ST6GALNAC3: variants seen among roughly 807,000 people sequenced by gnomAD.
ST6GALNAC3 encodes ST6 N-acetylgalactosaminide alpha-2,6-sialyltransferase 3.
In ST6GALNAC3, 25 loss-of-function variants were observed where a neutral mutation model predicts 32.7. The ratio of observed to expected loss-of-function variants is 0.76; its 90% confidence interval spans 0.56 to 1.07. ST6GALNAC3 has a LOEUF of 1.07. Ranked by LOEUF, ST6GALNAC3 falls within the 50% of genes least tolerant of loss-of-function variation. The pLI is 0.00. For missense variants in ST6GALNAC3, 355 were observed against 382.4 expected, an observed-to-expected ratio of 0.93 and a Z score of 0.60; for synonymous variants, 129 against 133.1, an observed-to-expected ratio of 0.97 and a Z score of 0.21.
At chr1:76,187,109 C>T (rs1198803242) in intron 1 of ST6GALNAC3, among the ~76,000 whole-genome samples, 1 of 152,122 alleles carries the variant, frequency 6.6e-6, no homozygotes, top group Non-Finnish European at 1.5e-5. Flanking sequence ...TAGGAAATTA[C>T]AGTTTTCCTT....
chr1:76,416,329 G>A (rs1481532792), intron 3 of ST6GALNAC3, among the ~76,000 whole-genome samples: 1 of 151,992 alleles, frequency 6.6e-6, no homozygotes, highest in African/African-American at 2.4e-5. Context: ...TGCTTTAACT[G>A]TAAAGCTATT....
chr1:76,515,610 G>A (rs1277784581), intron 3 of ST6GALNAC3, among the ~76,000 whole-genome samples: 2 of 151,988 alleles, frequency 1.3e-5, no homozygotes, highest in Non-Finnish European at 2.9e-5. Context: ...GGTATGATGT[G>A]TTTCCATTCT....
intron 1 of ST6GALNAC3, among the ~76,000 whole-genome samples, chr1:76,261,978 G>A (rs936656276): frequency 1.2e-4 from 18 of 152,106 alleles, no homozygotes; most frequent in African/African-American, 7.2e-5. Context: ...TGTTTTTCAC[G>A]CGGAAAGAAG....
At chr1:76,444,697 T>A (rs1002732363) in intron 3 of ST6GALNAC3, among the ~76,000 whole-genome samples, 2 of 152,176 alleles carry the variant, frequency 1.3e-5, no homozygotes, top group African/African-American at 4.8e-5. Context: ...CCATAGTTGC[T>A]TCTTCTCTGG....
At chr1:76,122,445 C>G (rs80282196) in intron 1 of ST6GALNAC3, among the ~76,000 whole-genome samples, 1 of 152,038 alleles carries the variant, frequency 6.6e-6, no homozygotes, top group Non-Finnish European at 1.5e-5. Flanking sequence ...AACAAGTGAA[C>G]AGCTCTCTCT....
intron 3 of ST6GALNAC3, among the ~76,000 whole-genome samples, chr1:76,502,533 C>T (rs554915709): frequency 1.1e-4 from 17 of 152,268 alleles, no homozygotes; most frequent in African/African-American, 4.1e-4. Context: ...AGTCTTTTCA[C>T]TATATCTCTT....
At chr1:76,191,287 C>G (rs1158005836) in intron 1 of ST6GALNAC3, among the ~76,000 whole-genome samples, 1 of 150,628 alleles carries the variant, frequency 6.6e-6, no homozygotes, top group Non-Finnish European at 1.5e-5. Flanking sequence ...CTCACTCTTA[C>G]GTGGATTCTA....
intron 2 of ST6GALNAC3, among the ~76,000 whole-genome samples, chr1:76,395,961 G>A (rs72678024): frequency 2.2e-4 from 33 of 152,236 alleles, no homozygotes; most frequent in Non-Finnish European, 3.7e-4. Flanking sequence ...AGCTAGAAGC[G>A]AGGACATGAA....
chr1:76,531,152 G>A (rs545906779), intron 3 of ST6GALNAC3, among the ~76,000 whole-genome samples: 1 of 152,308 alleles, frequency 6.6e-6, no homozygotes, highest in East Asian at 1.9e-4. Flanking sequence ...CAGCCTACTC[G>A]TGTCTCCAAG....
chr1:76,293,120 TC>T (rs928969066), intron 1 of ST6GALNAC3, among the ~76,000 whole-genome samples: 1 of 152,200 alleles, frequency 6.6e-6, no homozygotes, highest in Non-Finnish European at 1.5e-5. Flanking sequence ...AGGAAACATT[TC>T]CCCTCATCTT....
At position 76,400,717 on chromosome 1, in the gene ST6GALNAC3, T is replaced by C. The variant is rs144355075; in HGVS notation, c.214-11291T>C. On this transcript the variant is annotated intron_variant, in intron 2 of 4. Coordinates refer to ENST00000328299, the MANE Select transcript of ST6GALNAC3 (RefSeq NM_152996.4). ...GCCTGGCCAACATGGTGAAACCTCA[T>C]CTCTAGCACAAATACAAAAATTAGC... Among the ~76,000 whole-genome samples, 820 of 152,030 alleles carry C rather than the reference T, an allele frequency of 5.4e-3. 6 individuals carry two copies. Among genetic ancestry groups the C allele is most frequent in the African/African-American group, 0.019 (771 of 41,454 alleles).
intron 3 of ST6GALNAC3, among the ~76,000 whole-genome samples, chr1:76,499,061 G>T (rs139764498): frequency 6.6e-6 from 1 of 152,068 alleles, no homozygotes; most frequent in Non-Finnish European, 1.5e-5. Context: ...GCAATAAAAT[G>T]TATAAACAAC....
chr1:76,602,131 CA>C (rs1210246731), intron 3 of ST6GALNAC3, among the ~76,000 whole-genome samples: 2 of 152,022 alleles, frequency 1.3e-5, no homozygotes, highest in Non-Finnish European at 2.9e-5. Context: ...AAAGATTTGA[CA>C]AAACTGAGAG....
intron 1 of ST6GALNAC3, among the ~76,000 whole-genome samples, chr1:76,281,554 TG>T (rs1252166778): frequency 6.6e-6 from 1 of 152,150 alleles, no homozygotes; most frequent in Non-Finnish European, 1.5e-5. Flanking sequence ...GGGACTCAAG[TG>T]GGGCCAAGAT....
intron 3 of ST6GALNAC3, among the ~76,000 whole-genome samples, chr1:76,492,593 C>A (rs992785256): frequency 6.6e-6 from 1 of 152,048 alleles, no homozygotes; most frequent in African/African-American, 2.4e-5. Flanking sequence ...CACCCGCCAA[C>A]CCCCATGTTG....
chr1:76,209,624 C>T (rs1381529822), intron 1 of ST6GALNAC3, among the ~76,000 whole-genome samples: 2 of 152,160 alleles, frequency 1.3e-5, no homozygotes, highest in Admixed American at 6.5e-5. Context: ...GCTTACTCGA[C>T]GGGAATCTTG....
chr1:76,208,742 C>T (rs1359899634), intron 1 of ST6GALNAC3, among the ~76,000 whole-genome samples: 1 of 152,176 alleles, frequency 6.6e-6, no homozygotes, highest in Non-Finnish European at 1.5e-5. Context: ...AAAAATCTGC[C>T]TCTGCCATTT....
intron 1 of ST6GALNAC3, among the ~76,000 whole-genome samples, chr1:76,124,321 C>A (rs921826046): frequency 6.6e-6 from 1 of 152,052 alleles, no homozygotes; most frequent in East Asian, 1.9e-4. Flanking sequence ...ACAAATCATG[C>A]GCATTCTTTC....
At chr1:76,570,445 T>C (rs909497104) in intron 3 of ST6GALNAC3, among the ~76,000 whole-genome samples, 12 of 151,978 alleles carry the variant, frequency 7.9e-5, no homozygotes, top group African/African-American at 2.9e-4. Context: ...ATTCAATCCA[T>C]CTTTTCTTTT....
Sources: allele counts gnomAD v4.1 joint callset (sites outside exome capture counted in the v4.1 genomes callset), GRCh38; gene constraint gnomAD v4.1.1; transcripts MANE v1.5; gene names NCBI Gene and HGNC (gene_info 2026-07-23, HGNC 2026-07-21).